Variants in SLC18A1 observed in about 807,000 individuals in gnomAD.
SLC18A1 encodes chromaffin granule amine transporter.
A neutral mutation model predicts 53.7 loss-of-function variants in SLC18A1; 69 were observed. The ratio of observed to expected loss-of-function variants is 1.28; its 90% confidence interval spans 1.06 to 1.57. The LOEUF is 1.57. Among genes scored for constraint, SLC18A1 ranks in the 40% most tolerant of loss-of-function variants. SLC18A1 has a pLI of 0.00. For missense variants in SLC18A1, 932 were observed against 668.1 expected (o/e 1.40, Z -4.35); for synonymous variants, 320 against 248.1 (o/e 1.29, Z -2.72).
intron 15 of SLC18A1, among the ~76,000 whole-genome samples, chr8:20,146,616 A>C (rs74544980): frequency 6.6e-6 from 1 of 152,122 alleles, no homozygotes; most frequent in Non-Finnish European, 1.5e-5. Flanking sequence ...TTGTACTTTT[A>C]AAAACGTGAC....
intron 15 of SLC18A1, 59 bp downstream of exon 15, chr8:20,147,199 A>G (rs2071422128): frequency 5.8e-6 from 9 of 1,543,544 alleles, no homozygotes; most frequent in Non-Finnish European, 7.9e-6. Context: ...AAAGGGAATG[A>G]GAGAGATGAT....
At chr8:20,147,562 G>C (rs745971332) in intron 14 of SLC18A1, 41 bp downstream of exon 14, 2 of 1,612,340 alleles carry the variant, frequency 1.2e-6, no homozygotes, top group Admixed American at 3.3e-5. Context: ...CTGGTAAAGA[G>C]TAGACAGGGG....
At position 20,161,788 on chromosome 8, in the gene SLC18A1, G is replaced by A. The variant is rs76518751; in HGVS notation, c.1015+3081C>T. Reference sequence around the variant, plus strand: ...CTTTGACTCCATGTCCAAAATCCTGGGCACACTGGAGTGGAGTTTGGACCC... The same window carrying A: ...CTTTGACTCCATGTCCAAAATCCTGAGCACACTGGAGTGGAGTTTGGACCC... On this transcript the variant is annotated intron_variant, in intron 10 of 15. Transcript: ENST00000276373. Among the ~76,000 whole-genome samples, 356 of 152,230 alleles carry A rather than the reference G, an allele frequency of 2.3e-3. 2 individuals carry two copies. Among genetic ancestry groups the A allele is most frequent in the African/African-American group, 8.0e-3 (332 of 41,530 alleles).
intron 15 of SLC18A1, among the ~76,000 whole-genome samples, chr8:20,146,808 G>A (rs992277150): frequency 1.6e-5 from 2 of 128,940 alleles, no homozygotes; most frequent in Non-Finnish European, 3.2e-5. Context: ...TGGGCAACAA[G>A]AGTGAAACTC....
At position 20,174,271 on chromosome 8, in the gene SLC18A1, T is replaced by A. The variant is rs2072199694; in HGVS notation, c.631+90A>T. 8 of 989,610 alleles carry A rather than the reference T, an allele frequency of 8.1e-6. No homozygotes were observed. In the Admixed American group the frequency reaches 1.5e-4, roughly 18 times the overall value. The allele number at this position is 989,610 out of a possible 1,614,324, so 61.3% of individuals were successfully genotyped here. On this transcript the variant is annotated intron_variant, in intron 5 of 15. Coordinates refer to ENST00000276373, the MANE Select transcript of SLC18A1 (RefSeq NM_003053.4). ...TATCCAGGTGACATTTTCCTTAATT[T>A]CTCCATGTAAATATAGGATCTGAGG...
chr8:20,164,338 C>T (rs954606215), intron 10 of SLC18A1, among the ~76,000 whole-genome samples: 1 of 152,080 alleles, frequency 6.6e-6, no homozygotes, highest in Non-Finnish European at 1.5e-5. Flanking sequence ...ACATACACCC[C>T]TTTTTAGAGG....
chr8:20,178,971 T>A (rs558438084), intron 3 of SLC18A1, 150 bp downstream of exon 3: 5 of 887,316 alleles, frequency 5.6e-6, no homozygotes, highest in Non-Finnish European at 8.5e-6. Flanking sequence ...AACATGTTAT[T>A]CTTTGAGTAA....
chr8:20,173,153 C>G (rs775301679), intron 5 of SLC18A1, 25 bp from the exon 6 acceptor site: 1 of 1,539,220 alleles, frequency 6.5e-7, no homozygotes, highest in Non-Finnish European at 8.8e-7. Context: ...ACAGATGCAG[C>G]TGGCCCCCTG....
At chr8:20,172,504 G>A (rs2072148506) in intron 6 of SLC18A1, among the ~76,000 whole-genome samples, 1 of 152,200 alleles carries the variant, frequency 6.6e-6, no homozygotes. Context: ...CAATTAAGTT[G>A]TATGAGGGAG....
chr8:20,181,047 A>T lies in SLC18A1; in HGVS notation c.-83T>A, dbSNP rs1228720498. ...CAGCTACAGGTCTCCTGCAGCCTTT[A>T]TGGAAGAGGGGAGGGAGTCTGCCCA... On this transcript the variant is annotated 5_prime_UTR_variant, in exon 2 of 16. Coordinates refer to ENST00000276373, the MANE Select transcript of SLC18A1 (RefSeq NM_003053.4). The T allele has an allele frequency of 6.7e-7, 1 of 1,481,744 alleles. No homozygotes were observed. The highest frequency in any genetic ancestry group is 9.0e-7 in the Non-Finnish European group (1 of 1,105,742). The allele number at this position is 1,481,744 out of a possible 1,614,324, so 91.8% of individuals were successfully genotyped here. A position where few individuals can be genotyped will look rare whatever the true frequency, so the allele number is the denominator to read the frequency against.
At chr8:20,171,273 A>C in intron 7 of SLC18A1, 127 bp from the exon 8 acceptor site, 1 of 1,315,546 alleles carries the variant, frequency 7.6e-7, no homozygotes, top group Non-Finnish European at 1.1e-6. Context: ...TTTCTTTTCT[A>C]CAACGGGGCA....
intron 10 of SLC18A1, among the ~76,000 whole-genome samples, chr8:20,152,812 C>A (rs762420660): frequency 5.3e-5 from 8 of 151,998 alleles, no homozygotes; most frequent in Non-Finnish European, 1.0e-4. Context: ...TGAGGAGTAG[C>A]CAATGAAGTA....
At chr8:20,159,596 G>A (rs2071766642) in intron 10 of SLC18A1, among the ~76,000 whole-genome samples, 1 of 133,780 alleles carries the variant, frequency 7.5e-6, no homozygotes. Context: ...CCCATTATAT[G>A]GTAGCTCTGT....
chr8:20,148,367 T>G, intron 12 of SLC18A1: 1 of 961,972 alleles, frequency 1.0e-6, no homozygotes. Flanking sequence ...AACGAGGGTC[T>G]TCCTCTGTTC....
chr8:20,165,860 C>T (rs906884121), intron 8 of SLC18A1, among the ~76,000 whole-genome samples: 1 of 152,294 alleles, frequency 6.6e-6, no homozygotes, highest in East Asian at 1.9e-4. Flanking sequence ...GGGCTTCTCT[C>T]TCTTCCAGAC....
At chr8:20,147,774 C>A (rs756384584) in intron 13 of SLC18A1, 52 bp from the exon 14 acceptor site, 2 of 1,592,156 alleles carry the variant, frequency 1.3e-6, no homozygotes, top group South Asian at 1.1e-5. Flanking sequence ...GTTAGTACCA[C>A]CCCGCCTCTC....
intron 10 of SLC18A1, among the ~76,000 whole-genome samples, chr8:20,157,456 G>A (rs2071711423): frequency 6.6e-6 from 1 of 152,136 alleles, no homozygotes; most frequent in South Asian, 2.1e-4. Context: ...CATGGAGATT[G>A]GTGCCGCAGA....
At position 20,168,012 on chromosome 8, in the gene SLC18A1, G is replaced by C. The variant is rs559884694; in HGVS notation, c.859-2905C>G. Among the ~76,000 whole-genome samples the C allele has an allele frequency of 1.4e-4, 21 of 152,196 alleles. No homozygotes were observed. The South Asian group carries it at 1.9e-3, about 14-fold the overall frequency. ...CAGGGCTGAGGCAGGGAAAGTACAA[G>C]ATGAACGTAGGACATATTTTTGTAT... On this transcript the variant is annotated intron_variant, in intron 8 of 15. Coordinates refer to ENST00000276373, the MANE Select transcript of SLC18A1 (RefSeq NM_003053.4).
intron 8 of SLC18A1, among the ~76,000 whole-genome samples, chr8:20,165,836 T>C (rs952049720): frequency 6.6e-6 from 1 of 152,180 alleles, no homozygotes; most frequent in Non-Finnish European, 1.5e-5. Flanking sequence ...GAGAGCTCCC[T>C]GACTCAGTAG....
Sources: allele counts gnomAD v4.1 joint callset (sites outside exome capture counted in the v4.1 genomes callset), GRCh38; gene constraint gnomAD v4.1.1; transcripts MANE v1.5; gene names NCBI Gene and HGNC (gene_info 2026-07-23, HGNC 2026-07-21).